NOX4: variants seen among roughly 807,000 people sequenced by gnomAD.
The protein encoded by NOX4 is NADPH oxidase 4, also known as kidney oxidase-1.
A neutral mutation model predicts 87.6 loss-of-function variants in NOX4; 69 were observed. That is an observed-to-expected ratio of 0.79 (90% CI 0.65 to 0.96). NOX4 has a LOEUF of 0.96. Among genes scored for constraint, NOX4 ranks in the 40% least tolerant of loss-of-function variants. NOX4 has a pLI of 0.00. For synonymous variants in NOX4, 275 were observed against 238.2 expected (o/e 1.15, Z -1.42); for missense variants, 680 against 681.5 (o/e 1.00, Z 0.02).
the NOX4 span, among the ~76,000 whole-genome samples, chr11:89,508,573 T>C: frequency 9.9e-5 from 15 of 152,102 alleles, no homozygotes; most frequent in African/African-American, 3.6e-4. Flanking sequence ...GTCATAACTT[T>C]TCATATTTTT....
intron 2 of NOX4, among the ~76,000 whole-genome samples, chr11:89,478,073 A>G (rs1258047742): frequency 2.0e-5 from 3 of 152,154 alleles, no homozygotes; most frequent in African/African-American, 7.2e-5. Context: ...AAGTCTTAGC[A>G]TTGTCATAAA....
rs778279203 is a variant in NOX4, at chr11:89,326,758, A to G, written c.1735T>C (p.Ter579ArgextTer5). ...RFEYNKESFS[*>R] is the part of the protein sequence containing the mutation. ...GTCCTGCTTCATGGCAAAAGTTTTCAGCTGAAAGACTCTTTATTGTATTCA... is the reference window on the plus strand; with the variant it reads ...GTCCTGCTTCATGGCAAAAGTTTTCGGCTGAAAGACTCTTTATTGTATTCA... Residue 579 changes from the stop codon to arginine, a stop_lost, in exon 18 of 18, where the codon TGA becomes CGA. Transcript: ENST00000263317. 1.2e-6 allele frequency: 2 copies of G among 1,611,936 alleles called. No homozygotes were observed. Among genetic ancestry groups the G allele is most frequent in the Non-Finnish European group, 1.7e-6 (2 of 1,178,956 alleles).
intron 11 of NOX4, among the ~76,000 whole-genome samples, chr11:89,388,232 C>A (rs1286448704): frequency 6.6e-6 from 1 of 152,042 alleles, no homozygotes; most frequent in Non-Finnish European, 1.5e-5. Context: ...CTGCTCAGAC[C>A]CTTTCCCTTC....
At position 89,335,542 on chromosome 11, in the gene NOX4, A is replaced by AGG. The variant is rs1945668702; in HGVS notation, c.1616+302_1616+303insCC. Among the ~76,000 whole-genome samples, 7 of 151,846 alleles carry AGG rather than the reference A, an allele frequency of 4.6e-5. No individual in the cohort carries two copies. The South Asian group carries it at 1.5e-3, about 32-fold the overall frequency. ...TGAAAACTTTTCCTAGGATCACCTGATATATGCTGTGGGAGCGAATACCCA... is the reference window on the plus strand; with the variant it reads ...TGAAAACTTTTCCTAGGATCACCTGAGGTATATGCTGTGGGAGCGAATACCCA... On this transcript the variant is annotated intron_variant, in intron 17 of 17. Transcript: ENST00000263317.
At position 89,418,454 on chromosome 11, in the gene NOX4, A is replaced by ATAG. The variant is rs1200195795; in HGVS notation, c.629+3447_629+3448insCTA. ...AATAATAATAATAATAATAATAATA[A>ATAG]TAATAATAAATTTACAGGGTTGTTA... On this transcript the variant is annotated intron_variant, in intron 8 of 17. Coordinates refer to ENST00000263317, the MANE Select transcript of NOX4 (RefSeq NM_016931.5). 2.2e-5 allele frequency among the ~76,000 whole-genome samples: 3 copies of ATAG among 138,114 alleles called. No homozygotes were observed. In the East Asian group the frequency reaches 6.5e-4, roughly 30 times the overall value. 90.6% of individuals were successfully genotyped at this position (138,114 alleles called of 152,430 possible).
intron 7 of NOX4, among the ~76,000 whole-genome samples, chr11:89,426,476 A>C (rs1943420552): frequency 6.6e-6 from 1 of 152,024 alleles, no homozygotes; most frequent in Non-Finnish European, 1.5e-5. Flanking sequence ...TGGCTAGCCA[A>C]GGGAAGCTGT....
Position 89,432,189 on chromosome 11 carries a change from C to A in NOX4, c.548+595G>T, listed in dbSNP as rs560440214. On this transcript the variant is annotated intron_variant, in intron 7 of 17. Coordinates refer to ENST00000263317, the MANE Select transcript of NOX4 (RefSeq NM_016931.5). ...ACACAGGAAGGGGAACATCACACAC[C>A]GGGGCCTGTTGTGGGGTTGGGAGAG... is the stretch of plus-strand genomic sequence containing the variant. Among the ~76,000 whole-genome samples, 4 of 151,540 alleles carry A rather than the reference C, an allele frequency of 2.6e-5. No individual in the cohort carries two copies. The East Asian group carries it at 5.9e-4, about 22-fold the overall frequency.
At chr11:89,396,954 C>T (rs948429973) in intron 11 of NOX4, among the ~76,000 whole-genome samples, 8 of 142,086 alleles carry the variant, frequency 5.6e-5, no homozygotes, top group African/African-American at 2.2e-4. Context: ...GAACTCAGCT[C>T]TGCCCCAAGC....
the NOX4 span, among the ~76,000 whole-genome samples, chr11:89,505,211 G>A: frequency 6.6e-6 from 1 of 151,752 alleles, no homozygotes; most frequent in Non-Finnish European, 1.5e-5. Flanking sequence ...CACTTTTTAA[G>A]TTAGAAATCA....
chr11:89,497,061 T>G (rs1465610400), upstream of NOX4, among the ~76,000 whole-genome samples: 5 of 152,182 alleles, frequency 3.3e-5, no homozygotes, highest in East Asian at 1.9e-4. Context: ...TACCTGTTCT[T>G]AGTTCTAATG....
At chr11:89,354,843 A>T (rs1329485335) in intron 13 of NOX4, 119 bp downstream of exon 13, 1 of 590,728 alleles carries the variant, frequency 1.7e-6, no homozygotes, top group African/African-American at 1.9e-5. Context: ...TAGTTAGGGT[A>T]AGTTATTCAA....
chr11:89,587,973 G>A, the NOX4 span, among the ~76,000 whole-genome samples: 1 of 151,908 alleles, frequency 6.6e-6, no homozygotes. Context: ...GATTTCTGGG[G>A]GAAAAAATCC....
At chr11:89,366,715 A>G (rs935384942) in intron 12 of NOX4, among the ~76,000 whole-genome samples, 6 of 151,886 alleles carry the variant, frequency 4.0e-5, no homozygotes, top group Non-Finnish European at 8.8e-5. Context: ...AAAAAAAAAA[A>G]AAGAACATTG....
the NOX4 span, among the ~76,000 whole-genome samples, chr11:89,537,690 GA>G: frequency 4.0e-5 from 6 of 151,340 alleles, no homozygotes; most frequent in Admixed American, 4.0e-4. Context: ...CTATCGAATT[GA>G]AAAAAAATCG....
intron 12 of NOX4, among the ~76,000 whole-genome samples, chr11:89,366,922 CCAAGGGAAAAA>C (rs1939045377): frequency 6.6e-6 from 1 of 151,882 alleles, no homozygotes; most frequent in Non-Finnish European, 1.5e-5. Context: ...AAATGAGAAA[CCAAGGGAAAAA>C]CAATTTATCT....
At chr11:89,364,363 T>C (rs1298430263) in intron 12 of NOX4, among the ~76,000 whole-genome samples, 1 of 152,074 alleles carries the variant, frequency 6.6e-6, no homozygotes, top group East Asian at 1.9e-4. Context: ...AAATCTTGTG[T>C]CATAAGATTC....
chr11:89,472,038 G>A (rs1183595053), intron 2 of NOX4, among the ~76,000 whole-genome samples: 1 of 152,072 alleles, frequency 6.6e-6, no homozygotes, highest in African/African-American at 2.4e-5. Flanking sequence ...TACTGCACCT[G>A]GCCTTTATTA....
the NOX4 span, among the ~76,000 whole-genome samples, chr11:89,586,606 G>A: frequency 2.0e-5 from 3 of 152,156 alleles, no homozygotes; most frequent in Admixed American, 6.5e-5. Flanking sequence ...AGAAGCTGAA[G>A]TTTAGTGGTA....
upstream of NOX4, among the ~76,000 whole-genome samples, chr11:89,491,727 T>TACACACACACACAC (rs66820323): frequency 7.8e-4 from 110 of 140,742 alleles, no homozygotes; most frequent in African/African-American, 2.8e-3. Context: ...CGCCCCCTTG[T>TACACACACACACAC]ACACACACAC....
Sources: gnomAD v4.1 joint callset for allele counts (sites outside exome capture counted in the v4.1 genomes callset) on GRCh38, gnomAD v4.1.1 for gene constraint, MANE v1.5 for transcripts, NCBI Gene and HGNC (gene_info 2026-07-23, HGNC 2026-07-21) for gene names.